Variants in RGS22 observed in about 807,000 individuals in gnomAD.
RGS22 encodes the protein regulator of G protein signaling 22, also known as regulator of G-protein signaling 22.
RGS22 carries 148 observed loss-of-function variants against 172.9 expected under a neutral mutation model. That is an observed-to-expected ratio of 0.86 (90% confidence interval 0.75 to 0.98). The LOEUF is 0.98. Ranked by LOEUF, RGS22 falls within the 50% of genes least tolerant of loss-of-function variation. The probability of loss-of-function intolerance (pLI) is 0.00; values close to 1 mark genes in which losing one functional copy is unlikely to be tolerated. For missense variants in RGS22, 1,347 were observed against 1,440.8 expected (o/e 0.93, Z 1.05); for synonymous variants, 458 against 480.2 (o/e 0.95, Z 0.60).
At chr8:100,031,068 C>G (rs777494347) in intron 14 of RGS22, among the ~76,000 whole-genome samples, 2 of 152,096 alleles carry the variant, frequency 1.3e-5, no homozygotes, top group Non-Finnish European at 2.9e-5. Flanking sequence ...TTTCCGTATA[C>G]ATGTCAAAAC....
At chr8:100,068,669 C>T (rs3101333) in intron 6 of RGS22, among the ~76,000 whole-genome samples, 1,996 of 152,018 alleles carry the variant, frequency 0.013, 56 homozygotes, top group East Asian at 0.1. Context: ...TAGTGGCTCA[C>T]GCCTGTAATA....
In RGS22 at chr8:100,105,377, T is replaced by C; in HGVS notation, c.51A>G (p.Glu17=). 6 of 1,608,202 alleles carry C rather than the reference T, an allele frequency of 3.7e-6. No homozygotes were observed. The highest frequency in any genetic ancestry group is 4.3e-6 in the Non-Finnish European group (5 of 1,175,010). The change falls in exon 2 of 28, where the codon GAA becomes GAG. Residue 17 remains glutamate (E), a synonymous_variant. Coordinates refer to ENST00000360863, the MANE Select transcript of RGS22 (RefSeq NM_015668.5). The part of the protein sequence containing the change: ...TAEPPTITEE[E]FEDSLATDDF... The stretch of plus-strand genomic sequence containing the variant: ...AGCCCCTTGAAATGATACTTACAAA[T>C]TCTTCTTCTGTAATAGTTGGTGGCT...
At chr8:100,039,105 A>G in intron 13 of RGS22, 73 bp from the exon 14 acceptor site, 1 of 772,892 alleles carries the variant, frequency 1.3e-6, no homozygotes, top group South Asian at 2.1e-5. Flanking sequence ...AATTTCAAAT[A>G]TAAGTAACTG....
chr8:99,995,042 C>T (rs1814203966), intron 20 of RGS22, among the ~76,000 whole-genome samples: 2 of 152,122 alleles, frequency 1.3e-5, no homozygotes, highest in African/African-American at 4.8e-5. Context: ...ATAAATGGTG[C>T]TGGGAAAACT....
At chr8:99,964,289 TA>T (rs1265670692) in intron 24 of RGS22, among the ~76,000 whole-genome samples, 2 of 151,720 alleles carry the variant, frequency 1.3e-5, no homozygotes. Flanking sequence ...CTCATCTCTA[TA>T]AAAAATACAA....
intron 3 of RGS22, among the ~76,000 whole-genome samples, chr8:100,091,600 A>G (rs1395239237): frequency 6.6e-6 from 1 of 152,214 alleles, no homozygotes; most frequent in Non-Finnish European, 1.5e-5. Flanking sequence ...TTTTTTTAAA[A>G]GAAAGTTAAG....
chr8:100,009,316 G>A (rs1225057605), intron 14 of RGS22, among the ~76,000 whole-genome samples: 2 of 151,564 alleles, frequency 1.3e-5, no homozygotes, highest in African/African-American at 4.9e-5. Context: ...TACTTAGGAG[G>A]TTGAGGCAGA....
intron 14 of RGS22, among the ~76,000 whole-genome samples, chr8:100,022,553 T>C (rs1170911650): frequency 6.6e-6 from 1 of 152,130 alleles, no homozygotes; most frequent in African/African-American, 2.4e-5. Context: ...AAAAAAGTTA[T>C]TACTATGCAG....
intron 6 of RGS22, among the ~76,000 whole-genome samples, chr8:100,067,341 G>A (rs1229089764): frequency 1.3e-5 from 2 of 152,102 alleles, no homozygotes; most frequent in Non-Finnish European, 2.9e-5. Flanking sequence ...AGCTTTCAAA[G>A]ACTAATTCAC....
chr8:100,022,892 T>G (rs1563628673), intron 14 of RGS22, among the ~76,000 whole-genome samples: 1 of 152,140 alleles, frequency 6.6e-6, no homozygotes, highest in African/African-American at 2.4e-5. Flanking sequence ...CAAACCAGGC[T>G]AATTTTTGTA....
intron 11 of RGS22, 51 bp from the exon 12 acceptor site, chr8:100,041,967 CAACA>C: frequency 2.5e-6 from 3 of 1,191,964 alleles, no homozygotes; most frequent in Non-Finnish European, 3.7e-6. Flanking sequence ...ACTAACTGAT[CAACA>C]AACAAATTTT....
At position 99,985,989 on chromosome 8, in the gene RGS22, ATGTGAAAGAT is replaced by A. The variant is rs575820569; in HGVS notation, c.3180+1459_3180+1468del. Among the ~76,000 whole-genome samples, 20 of 152,238 alleles carry A rather than the reference ATGTGAAAGAT, an allele frequency of 1.3e-4. No homozygotes were observed. In the South Asian group the frequency reaches 4.1e-3, roughly 32 times the overall value. On this transcript the variant is annotated intron_variant, in intron 21 of 27. Transcript: ENST00000360863. The stretch of plus-strand genomic sequence containing the variant: ...CAAAAAAATTATTTTAATATTGCTC[ATGTGAAAGAT>A]TGTGAAAAAACTTCTCTCAAATTTT...
chr8:100,040,902 T>C (rs958991931), intron 12 of RGS22, among the ~76,000 whole-genome samples: 5 of 152,132 alleles, frequency 3.3e-5, no homozygotes, highest in African/African-American at 9.7e-5. Flanking sequence ...GCTAAACAAA[T>C]TCTGAAGTGA....
chr8:100,023,444 C>T (rs994397970), intron 14 of RGS22, among the ~76,000 whole-genome samples: 1 of 152,118 alleles, frequency 6.6e-6, no homozygotes, highest in African/African-American at 2.4e-5. Flanking sequence ...TTTCTAAGAG[C>T]TAGGGTCTCA....
chr8:100,071,368 C>T lies in RGS22; in HGVS notation c.594+1G>A, dbSNP rs1236739158. On this transcript the variant is annotated splice_donor_variant, in intron 6 of 27. Transcript: ENST00000360863. LOFTEE classifies it high-confidence loss of function. ...TCATGAAAAAATGCTCATACTTTTA[C>T]CTCACCAAGTGATACATAGAACTTT... The T allele has an allele frequency of 6.3e-7, 1 of 1,599,402 alleles. No individual in the cohort carries two copies. Among genetic ancestry groups the T allele is most frequent in the East Asian group, 2.2e-5 (1 of 44,494 alleles).
intron 2 of RGS22, among the ~76,000 whole-genome samples, chr8:100,104,115 C>T (rs1022649501): frequency 3.3e-5 from 5 of 152,060 alleles, no homozygotes; most frequent in African/African-American, 7.2e-5. Context: ...CCCAGGAATT[C>T]GAGACTGGCC....
At position 100,043,523 on chromosome 8, in the gene RGS22, T is replaced by A. The variant is rs546337303; in HGVS notation, c.1824-1607A>T. Among the ~76,000 whole-genome samples the A allele has an allele frequency of 6.5e-3, 997 of 152,242 alleles. 14 individuals are homozygous for A. Among genetic ancestry groups the A allele is most frequent in the African/African-American group, 0.022 (917 of 41,550 alleles). On this transcript the variant is annotated intron_variant, in intron 11 of 27. Coordinates refer to ENST00000360863, the MANE Select transcript of RGS22 (RefSeq NM_015668.5). ...TGGGCACGGTGGCTCACGCCTATAA[T>A]CCCAGCACTTGGGAGGCTGAGGTAG...
intron 14 of RGS22, among the ~76,000 whole-genome samples, chr8:100,020,229 G>A (rs1182222990): frequency 1.3e-5 from 2 of 152,120 alleles, no homozygotes; most frequent in African/African-American, 4.8e-5. Flanking sequence ...GGTTCTGCCT[G>A]ATGGACTGAC....
chr8:100,072,108 GTA>G (rs759636398), intron 5 of RGS22, 35 bp downstream of exon 5: 60 of 1,209,814 alleles, frequency 5.0e-5, no homozygotes, highest in Non-Finnish European at 7.0e-5. Context: ...TAATATATAT[GTA>G]TTTAAAAATA....
Sources: allele counts gnomAD v4.1 joint callset (sites outside exome capture counted in the v4.1 genomes callset), GRCh38; gene constraint gnomAD v4.1.1; transcripts MANE v1.5; gene names NCBI Gene and HGNC (gene_info 2026-07-23, HGNC 2026-07-21).